DSCAML1: variants seen among roughly 807,000 people sequenced by gnomAD.
DSCAML1 encodes cell adhesion molecule DSCAML1.
A neutral mutation model predicts 200.5 loss-of-function variants in DSCAML1; 38 were observed. That is an observed-to-expected ratio of 0.19 (90% confidence interval 0.15 to 0.25). The LOEUF (loss-of-function observed/expected upper bound fraction) is 0.25, where lower values mean the gene tolerates loss of function less well. Among genes scored for constraint, DSCAML1 ranks in the 10% least tolerant of loss-of-function variants. The pLI, the probability that DSCAML1 is intolerant of heterozygous loss-of-function variation, is 1.00. For synonymous variants in DSCAML1, 1,215 were observed against 1,165.0 expected (o/e 1.04, Z -0.87); for missense variants, 2,223 against 2,858.8 (o/e 0.78, Z 5.07).
chr11:117,619,179 A>C (rs941557497), intron 3 of DSCAML1, among the ~76,000 whole-genome samples: 1 of 152,226 alleles, frequency 6.6e-6, no homozygotes, highest in Non-Finnish European at 1.5e-5. Context: ...CCCAGTGCTC[A>C]GTGACTCTAC....
At chr11:117,697,171 G>A (rs1302163826) in intron 3 of DSCAML1, among the ~76,000 whole-genome samples, 3 of 152,182 alleles carry the variant, frequency 2.0e-5, no homozygotes, top group South Asian at 4.1e-4. Flanking sequence ...GCAGCACTAG[G>A]ATCAAACTTA....
intron 3 of DSCAML1, among the ~76,000 whole-genome samples, chr11:117,570,861 C>T (rs1219052052): frequency 1.3e-5 from 2 of 152,218 alleles, no homozygotes; most frequent in African/African-American, 4.8e-5. Flanking sequence ...GCAGCTGGAA[C>T]CTGGTGCTGA....
chr11:117,689,662 C>T (rs1041994980), intron 3 of DSCAML1, among the ~76,000 whole-genome samples: 2 of 152,146 alleles, frequency 1.3e-5, no homozygotes, highest in Admixed American at 1.3e-4. Flanking sequence ...ACATCATGGG[C>T]TACTCAGGAG....
chr11:117,812,185 T>A (rs535687125), intron 1 of DSCAML1, among the ~76,000 whole-genome samples: 19 of 152,196 alleles, frequency 1.2e-4, no homozygotes, highest in African/African-American at 4.6e-4. Flanking sequence ...CTCTACTCCC[T>A]CCTTGGCGAC....
chr11:117,689,346 G>A (rs2053457930), intron 3 of DSCAML1, among the ~76,000 whole-genome samples: 1 of 152,216 alleles, frequency 6.6e-6, no homozygotes, highest in Admixed American at 6.5e-5. Context: ...AGCTGGTCAG[G>A]TCAGAAATGC....
chr11:117,640,703 G>A (rs1215502068), intron 3 of DSCAML1, among the ~76,000 whole-genome samples: 4 of 152,068 alleles, frequency 2.6e-5, no homozygotes, highest in East Asian at 1.9e-4. Flanking sequence ...GCTTGCAAAC[G>A]CCTCTTCCCC....
chr11:117,547,640 A>G (rs2137383154), intron 3 of DSCAML1, among the ~76,000 whole-genome samples: 1 of 152,140 alleles, frequency 6.6e-6, no homozygotes, highest in South Asian at 2.1e-4. Flanking sequence ...CCCTCCCCCA[A>G]CACCCCGCGT....
Position 117,780,189 on chromosome 11 carries a change from A to G in DSCAML1, c.364+304T>C, listed in dbSNP as rs533467238. 5.7e-4 allele frequency among the ~76,000 whole-genome samples: 55 copies of G among 96,270 alleles called. 2 individuals are homozygous for G. The East Asian group carries it at 0.016, about 28-fold the overall frequency. 63.2% of individuals were successfully genotyped at this position (96,270 alleles called of 152,430 possible). A position where few individuals can be genotyped will look rare whatever the true frequency, so the allele number is the denominator to read the frequency against. ...AAAGAAAGAAAAAAAGAAAAAAAGA[A>G]AGAAAGAAAGAGAAAGAAAGAGAGA... On this transcript the variant is annotated intron_variant, in intron 2 of 32. Coordinates refer to ENST00000651296, the MANE Select transcript of DSCAML1 (RefSeq NM_020693.4). The surrounding 1 kb of genome is among the most constrained non-coding windows in gnomAD (Gnocchi z 4.8).
chr11:117,723,177 G>C (rs1017161995), intron 3 of DSCAML1, among the ~76,000 whole-genome samples: 1 of 152,172 alleles, frequency 6.6e-6, no homozygotes, highest in African/African-American at 2.4e-5. Context: ...TTTTTAAAAA[G>C]TATTACTACT....
In DSCAML1 at chr11:117,525,016, G is replaced by C; in HGVS notation, c.726C>G (p.Thr242=). The C allele has an allele frequency of 1.2e-6, 2 of 1,604,670 alleles. No individual in the cohort carries two copies. Among genetic ancestry groups the C allele is most frequent in the African/African-American group, 2.7e-5 (2 of 74,828 alleles). Residue 242 remains threonine (T), a synonymous_variant, in exon 5 of 33, where the codon ACC becomes ACG. Transcript: ENST00000651296. The part of the protein sequence containing the change: ...FHSQEVWAGH[T]VELPCTASGY... Reference sequence around the variant, plus strand: ...CCGAGGCGGTGCAGGGCAGCTCCACGGTGTGGCCGGCCCACACTTCCTGGG... The same window carrying C: ...CCGAGGCGGTGCAGGGCAGCTCCACCGTGTGGCCGGCCCACACTTCCTGGG...
At chr11:117,626,590 G>C (rs2052051528) in intron 3 of DSCAML1, among the ~76,000 whole-genome samples, 1 of 152,162 alleles carries the variant, frequency 6.6e-6, no homozygotes, top group Non-Finnish European at 1.5e-5. Flanking sequence ...TGCTGGTCAT[G>C]CTGCCTGCCT....
chr11:117,654,755 A>C (rs1249553928), intron 3 of DSCAML1, among the ~76,000 whole-genome samples: 1 of 152,126 alleles, frequency 6.6e-6, no homozygotes, highest in Non-Finnish European at 1.5e-5. Context: ...CCTTGTTCTC[A>C]CCCAGGCACA....
intron 20 of DSCAML1, among the ~76,000 whole-genome samples, chr11:117,448,524 A>C (rs118110450): frequency 0.013 from 1,954 of 151,956 alleles, 32 homozygotes; most frequent in Middle Eastern, 0.076. Context: ...GGAGTGAGGA[A>C]CGTGCCACGG....
chr11:117,453,030 G>A (rs2048308984), intron 19 of DSCAML1, among the ~76,000 whole-genome samples: 2 of 152,092 alleles, frequency 1.3e-5, no homozygotes, highest in African/African-American at 4.8e-5. Context: ...CACCTCCCGG[G>A]TTCCAGCAAT....
intron 3 of DSCAML1, among the ~76,000 whole-genome samples, chr11:117,589,574 A>G (rs146975946): frequency 6.6e-6 from 1 of 152,320 alleles, no homozygotes; most frequent in Non-Finnish European, 1.5e-5. Flanking sequence ...AGGTAAATAT[A>G]ATAATGTTGA....
At chr11:117,566,304 CT>C (rs2050754331) in intron 3 of DSCAML1, among the ~76,000 whole-genome samples, 1 of 151,646 alleles carries the variant, frequency 6.6e-6, no homozygotes, top group African/African-American at 2.4e-5. Flanking sequence ...TACATCCTTT[CT>C]TTTCTTTCTG....
intron 1 of DSCAML1, among the ~76,000 whole-genome samples, chr11:117,813,067 A>C (rs573949207): frequency 1.3e-5 from 2 of 152,274 alleles, no homozygotes; most frequent in African/African-American, 4.8e-5. Context: ...TTTATTAGTC[A>C]AATCAGCCAA....
At chr11:117,656,638 G>A (rs1267251447) in intron 3 of DSCAML1, among the ~76,000 whole-genome samples, 1 of 152,086 alleles carries the variant, frequency 6.6e-6, no homozygotes, top group Non-Finnish European at 1.5e-5. Flanking sequence ...AAAAATTGAG[G>A]CTTAGTAGGG....
chr11:117,468,962 G>A (rs140033978), intron 16 of DSCAML1, among the ~76,000 whole-genome samples: 88 of 152,252 alleles, frequency 5.8e-4, no homozygotes, highest in Admixed American at 1.4e-3. Context: ...GGCAACCCCC[G>A]AGCCCCACTG....
Sources: gnomAD v4.1 joint callset for allele counts (sites outside exome capture counted in the v4.1 genomes callset) on GRCh38, gnomAD v4.1.1 for gene constraint, Gnocchi (gnomAD v3.1) non-coding constraint, MANE v1.5 for transcripts, NCBI Gene and HGNC (gene_info 2026-07-23, HGNC 2026-07-21) for gene names.